Variants in CDKAL1 observed in about 807,000 individuals in gnomAD.
CDKAL1 encodes CDKAL1 threonylcarbamoyladenosine tRNA methylthiotransferase.
CDKAL1 carries 32 observed loss-of-function variants against 68.2 expected under a neutral mutation model. The observed-to-expected ratio is 0.47, with a 90% CI of 0.35 to 0.63. The LOEUF is 0.63. Ranked by LOEUF, CDKAL1 falls within the 30% of genes least tolerant of loss-of-function variation. CDKAL1 has a pLI of 0.00. For missense variants in CDKAL1, 606 were observed against 696.7 expected (o/e 0.87, Z 1.47); for synonymous variants, 234 against 244.3 (o/e 0.96, Z 0.39).
At chr6:20,921,640 C>G (rs1201514877) in intron 9 of CDKAL1, among the ~76,000 whole-genome samples, 2 of 152,170 alleles carry the variant, frequency 1.3e-5, no homozygotes, top group African/African-American at 4.8e-5. Flanking sequence ...TAGTTTCTAT[C>G]AACCCTCAGC....
intron 12 of CDKAL1, among the ~76,000 whole-genome samples, chr6:21,090,012 G>T (rs367584272): frequency 6.6e-6 from 1 of 152,116 alleles, no homozygotes; most frequent in Non-Finnish European, 1.5e-5. Flanking sequence ...GCAGTGTTAG[G>T]GTTATCCTCA....
chr6:21,053,446 C>T (rs1307702960), intron 11 of CDKAL1, among the ~76,000 whole-genome samples: 2 of 152,168 alleles, frequency 1.3e-5, no homozygotes, highest in Non-Finnish European at 2.9e-5. Flanking sequence ...TACAGGTCTT[C>T]GTGTGAGCTT....
At chr6:20,677,006 C>G (rs1424676767) in intron 5 of CDKAL1, among the ~76,000 whole-genome samples, 1 of 152,096 alleles carries the variant, frequency 6.6e-6, no homozygotes, top group Non-Finnish European at 1.5e-5. Context: ...AAAGTGACCT[C>G]TTATGACTTT....
chr6:21,198,257 C>A (rs1233833196), intron 14 of CDKAL1, among the ~76,000 whole-genome samples, 153 bp downstream of exon 14: 1 of 152,218 alleles, frequency 6.6e-6, no homozygotes, highest in Non-Finnish European at 1.5e-5. Flanking sequence ...TGGACTTTAT[C>A]TTTGTGACTT....
intron 4 of CDKAL1, among the ~76,000 whole-genome samples, chr6:20,643,125 T>A (rs929800851): frequency 2.0e-4 from 30 of 152,208 alleles, no homozygotes; most frequent in African/African-American, 7.2e-4. Flanking sequence ...CGCTCAAATC[T>A]CGAAGTAGGT....
intron 5 of CDKAL1, among the ~76,000 whole-genome samples, chr6:20,716,418 G>A (rs960022939): frequency 1.3e-5 from 2 of 152,092 alleles, no homozygotes; most frequent in African/African-American, 4.8e-5. Context: ...TCCTGCTGTT[G>A]GACAGAAAGT....
At chr6:20,584,887 G>A (rs1269040793) in intron 4 of CDKAL1, among the ~76,000 whole-genome samples, 1 of 152,058 alleles carries the variant, frequency 6.6e-6, no homozygotes, top group Non-Finnish European at 1.5e-5. Context: ...TTGATAACGT[G>A]CTCTCATCTG....
At chr6:20,877,087 A>T (rs935387746) in intron 9 of CDKAL1, among the ~76,000 whole-genome samples, 3 of 152,198 alleles carry the variant, frequency 2.0e-5, no homozygotes, top group Admixed American at 2.0e-4. Flanking sequence ...TAAATGGAGG[A>T]TGCTGTAGAC....
chr6:20,620,295 T>TA (rs142872432), intron 4 of CDKAL1, among the ~76,000 whole-genome samples: 1 of 152,344 alleles, frequency 6.6e-6, no homozygotes, highest in African/African-American at 2.4e-5. Flanking sequence ...TCTATTTTTA[T>TA]AAATTTAACA....
At chr6:20,634,718 C>T (rs1029247672) in intron 4 of CDKAL1, among the ~76,000 whole-genome samples, 2 of 152,130 alleles carry the variant, frequency 1.3e-5, no homozygotes, top group African/African-American at 4.8e-5. Context: ...TGGCTCATGC[C>T]TGTAATCCCA....
intron 8 of CDKAL1, among the ~76,000 whole-genome samples, chr6:20,797,795 T>C (rs1471473869): frequency 6.8e-6 from 1 of 147,798 alleles, no homozygotes; most frequent in African/African-American, 2.5e-5. Flanking sequence ...TTTTATTTTA[T>C]TTTATTTTAT....
intron 9 of CDKAL1, among the ~76,000 whole-genome samples, chr6:20,912,098 T>C (rs1762493248): frequency 6.6e-6 from 1 of 152,222 alleles, no homozygotes; most frequent in Non-Finnish European, 1.5e-5. Flanking sequence ...CCATTTTGTT[T>C]TGAATGAGAG....
chr6:20,995,655 C>T (rs527485215), intron 10 of CDKAL1, among the ~76,000 whole-genome samples: 20 of 152,252 alleles, frequency 1.3e-4, no homozygotes, highest in Middle Eastern at 3.4e-3. Flanking sequence ...TCTCACCAGG[C>T]TTTGGTGTTC....
At chr6:20,804,035 A>G (rs1776471110) in intron 8 of CDKAL1, among the ~76,000 whole-genome samples, 1 of 152,184 alleles carries the variant, frequency 6.6e-6, no homozygotes, top group Non-Finnish European at 1.5e-5. Flanking sequence ...ACAATTTTCC[A>G]ATATTATATA....
intron 8 of CDKAL1, 37 bp downstream of exon 8, chr6:20,781,302 T>C: frequency 6.5e-7 from 1 of 1,542,956 alleles, no homozygotes. Flanking sequence ...AAATATTCAA[T>C]ATATTTCATG....
intron 5 of CDKAL1, among the ~76,000 whole-genome samples, chr6:20,705,384 C>A (rs1328349418): frequency 6.6e-6 from 1 of 152,056 alleles, no homozygotes; most frequent in Non-Finnish European, 1.5e-5. Flanking sequence ...TTGTTTCTGG[C>A]ATAATAAGAT....
intron 11 of CDKAL1, among the ~76,000 whole-genome samples, chr6:21,016,943 AAATTTTCTTTCTAAAAT>A (rs757538740): frequency 6.6e-6 from 1 of 152,218 alleles, no homozygotes; most frequent in Non-Finnish European, 1.5e-5. Flanking sequence ...TTATTGCCAG[AAATTTTCTTTCTAAAAT>A]AAAAACGTTG....
intron 11 of CDKAL1, among the ~76,000 whole-genome samples, chr6:21,023,128 T>TG (rs1217044848): frequency 1.6e-5 from 1 of 61,324 alleles, no homozygotes; most frequent in Non-Finnish European, 3.1e-5. Context: ...TCTCAATTGA[T>TG]AATTTTTTTT....
chr6:20,763,846 T>G (rs1774577969), intron 7 of CDKAL1, among the ~76,000 whole-genome samples: 1 of 152,232 alleles, frequency 6.6e-6, no homozygotes, highest in Non-Finnish European at 1.5e-5. Flanking sequence ...AAATGGATCT[T>G]CATCATGTTA....
Sources: allele counts gnomAD v4.1 joint callset (sites outside exome capture counted in the v4.1 genomes callset), GRCh38; gene constraint gnomAD v4.1.1; transcripts MANE v1.5; gene names NCBI Gene and HGNC (gene_info 2026-07-23, HGNC 2026-07-21).